The following MID1 variants were observed in gnomAD, a reference collection of about 807,000 sequenced individuals.
MID1 encodes the protein midline 1.
Under a neutral mutation model 40.4 loss-of-function variants are expected in MID1, and 7 were observed. The observed-to-expected ratio is 0.17, with a 90% confidence interval of 0.10 to 0.33. MID1 has a LOEUF of 0.33. Among genes scored for constraint, MID1 ranks in the 10% least tolerant of loss-of-function variants. The pLI, the probability that MID1 is intolerant of heterozygous loss-of-function variation, is 1.00. For missense variants in MID1, 367 were observed against 558.5 expected (o/e 0.66, Z 3.46); for synonymous variants, 229 against 221.2 (o/e 1.04, Z -0.31).
At chrX:10,657,335 A>AAG (rs2042881631) in intron 1 of MID1, among the ~76,000 whole-genome samples, 1 of 111,821 alleles carries the variant, frequency 8.9e-6, no homozygotes. Context: ...GTCTGCATCC[A>AAG]AGAGAACCCA....
rs1368185216 is a variant in MID1 at position 10,474,617 on chromosome X, C to T, written c.1141+6G>A. ...ACAATATTAAAGAGAACATAAAAGA[C>T]AATACCTGTAAGGTAATCCAGACAT... On this transcript the variant is annotated splice_donor_region_variant and intron_variant, in intron 6 of 9. Coordinates refer to ENST00000317552, the MANE Select transcript of MID1 (RefSeq NM_000381.4). 8.3e-7 allele frequency: 1 copy of T among 1,208,942 alleles called. No individual in the cohort carries two copies. The highest frequency in any genetic ancestry group is 1.1e-6 in the Non-Finnish European group (1 of 893,435).
At chrX:10,828,913 C>T (rs754307308) in intron 1 of MID1, among the ~76,000 whole-genome samples, 3 of 112,169 alleles carry the variant, frequency 2.7e-5, no homozygotes, top group East Asian at 2.8e-4. Flanking sequence ...TACTCATAAC[C>T]GTCCAATGAA....
intron 1 of MID1, among the ~76,000 whole-genome samples, chrX:10,789,552 C>T (rs1372177056): frequency 8.9e-6 from 1 of 112,267 alleles, no homozygotes; most frequent in African/African-American, 3.2e-5. Context: ...ACATGCTGTG[C>T]AGGTTTGTAT....
intron 3 of MID1, among the ~76,000 whole-genome samples, chrX:10,501,126 T>C (rs1354211808): frequency 9.0e-6 from 1 of 111,642 alleles, no homozygotes; most frequent in East Asian, 2.8e-4. Flanking sequence ...CTGGCCAACA[T>C]GATGAAACCC....
intron 1 of MID1, among the ~76,000 whole-genome samples, chrX:10,830,899 T>C (rs963618870): frequency 2.7e-5 from 3 of 112,039 alleles, no homozygotes; most frequent in African/African-American, 6.5e-5. Flanking sequence ...AACACTCTCA[T>C]GATTGCATGA....
chrX:10,822,841 T>C (rs1715754380), intron 1 of MID1, among the ~76,000 whole-genome samples: 1 of 111,754 alleles, frequency 8.9e-6, no homozygotes, highest in African/African-American at 3.3e-5. Flanking sequence ...GGCGAGGTTG[T>C]AGAGAAAAAG....
At chrX:10,642,622 C>G (rs1936212939) in intron 1 of MID1, among the ~76,000 whole-genome samples, 1 of 110,494 alleles carries the variant, frequency 9.1e-6, no homozygotes, top group Admixed American at 9.6e-5. Context: ...CCATCCCCAT[C>G]AAGCTATCAA....
intron 1 of MID1, among the ~76,000 whole-genome samples, chrX:10,647,898 A>G (rs1936278406): frequency 8.9e-6 from 1 of 112,090 alleles, no homozygotes; most frequent in Non-Finnish European, 1.9e-5. Context: ...TCAAAATTAA[A>G]TTTTGCTTTC....
At chrX:10,460,834 T>C (rs778269401) in intron 7 of MID1, among the ~76,000 whole-genome samples, 1 of 111,235 alleles carries the variant, frequency 9.0e-6, no homozygotes, top group Non-Finnish European at 1.9e-5. Flanking sequence ...CTCACCTCTT[T>C]GATAATCTAA....
chrX:10,726,502 C>A (rs750285989), intron 1 of MID1, among the ~76,000 whole-genome samples: 3 of 100,674 alleles, frequency 3.0e-5, no homozygotes, highest in Non-Finnish European at 1.9e-5. Flanking sequence ...GTTTCTTTCT[C>A]TGAGGAAAAA....
At chrX:10,739,418 T>G (rs1251978022) in intron 1 of MID1, among the ~76,000 whole-genome samples, 1 of 112,094 alleles carries the variant, frequency 8.9e-6, no homozygotes, top group Non-Finnish European at 1.9e-5. Context: ...TAGGCCTATG[T>G]GTATTAAGAG....
At chrX:10,617,761 C>T (rs1023250553) in intron 1 of MID1, among the ~76,000 whole-genome samples, 3 of 112,037 alleles carry the variant, frequency 2.7e-5, no homozygotes, top group African/African-American at 9.7e-5. Context: ...GAACAGGTGG[C>T]CATGCTTTTC....
chrX:10,503,040 G>A (rs1239797502), intron 3 of MID1, among the ~76,000 whole-genome samples: 1 of 111,623 alleles, frequency 9.0e-6, no homozygotes, highest in African/African-American at 3.3e-5. Flanking sequence ...CTTTATATAA[G>A]CTGATATTTG....
Position 10,721,307 on chromosome X carries a change from C to A in MID1, c.-186-100888G>T, listed in dbSNP as rs1011628922. On this transcript the variant is annotated intron_variant, in intron 1 of 10. Coordinates refer to the MID1 transcript ENST00000380785. ...TGTGTGTATGTGAATAGATATATTT[C>A]TCTGTATGTAATCAGAACTAGAGGT... Among the ~76,000 whole-genome samples the A allele has an allele frequency of 2.7e-5, 3 of 111,120 alleles. No individual in the cohort carries two copies. In the South Asian group the frequency reaches 1.1e-3, roughly 43 times the overall value.
At chrX:10,504,763 C>CTT (rs532709569) in intron 3 of MID1, among the ~76,000 whole-genome samples, 10 of 102,199 alleles carry the variant, frequency 9.8e-5, no homozygotes, top group African/African-American at 3.2e-4. Flanking sequence ...AGTTGGGGGA[C>CTT]TTTTTTTTTT....
chrX:10,482,832 T>C (rs891906220), intron 4 of MID1, among the ~76,000 whole-genome samples: 2 of 112,584 alleles, frequency 1.8e-5, no homozygotes, highest in African/African-American at 3.2e-5. Context: ...GCATTGCTAA[T>C]TCGTTTTACG....
At chrX:10,672,208 G>A (rs1283093125) in intron 1 of MID1, among the ~76,000 whole-genome samples, 2 of 107,973 alleles carry the variant, frequency 1.9e-5, no homozygotes, top group Non-Finnish European at 3.8e-5. Flanking sequence ...CTGGGTGACA[G>A]AGCGAGATCC....
intron 1 of MID1, among the ~76,000 whole-genome samples, chrX:10,698,261 A>G: frequency 1.1e-5 from 1 of 87,195 alleles, no homozygotes; most frequent in African/African-American, 3.7e-5. Context: ...GCAACCATCC[A>G]GAAAAAACAG....
chrX:10,516,611 C>T lies in MID1; in HGVS notation c.756+6481G>A, dbSNP rs79220333. Among the ~76,000 whole-genome samples the T allele has an allele frequency of 7.1e-3, 372 of 52,340 alleles. 2 individuals carry two copies. The highest frequency in any genetic ancestry group is 0.069 in the African/African-American group (283 of 4,072). The allele number at this position is 52,340 out of a possible 115,157, so 45.5% of individuals were successfully genotyped here. On this transcript the variant is annotated intron_variant, in intron 3 of 9. Coordinates refer to ENST00000317552, the MANE Select transcript of MID1 (RefSeq NM_000381.4). ...GTGTGTGTGTGTGTGTGTGTGTGTGCGCGCGCGCACGCGTGTGTTTTAAGA... is the reference window on the plus strand; with the variant it reads ...GTGTGTGTGTGTGTGTGTGTGTGTGTGCGCGCGCACGCGTGTGTTTTAAGA...
Sources: allele counts gnomAD v4.1 joint callset (sites outside exome capture counted in the v4.1 genomes callset), GRCh38; gene constraint gnomAD v4.1.1; transcripts MANE v1.5; gene names NCBI Gene and HGNC (gene_info 2026-07-23, HGNC 2026-07-21).